The following IKZF1 variants were observed in gnomAD, a reference collection of about 807,000 sequenced individuals.
IKZF1 encodes the protein IKAROS family zinc finger 1, also known as DNA-binding protein Ikaros.
In IKZF1, 10 loss-of-function variants were observed where a neutral mutation model predicts 51.7. The ratio of observed to expected loss-of-function variants is 0.19; its 90% confidence interval spans 0.12 to 0.33. The LOEUF (loss-of-function observed/expected upper bound fraction) is 0.33. Among genes scored for constraint, IKZF1 ranks in the 10% least tolerant of loss-of-function variants. The pLI, the probability that IKZF1 is intolerant of heterozygous loss-of-function variation, is 1.00. For synonymous variants in IKZF1, 280 were observed against 282.3 expected, an observed-to-expected ratio of 0.99 and a Z score of 0.08; for missense variants, 484 against 707.5, an observed-to-expected ratio of 0.68 and a Z score of 3.58.
chr7:50,321,649 C>T (rs1332787869), intron 2 of IKZF1, among the ~76,000 whole-genome samples: 1 of 152,148 alleles, frequency 6.6e-6, no homozygotes, highest in East Asian at 1.9e-4. Context: ...AGTCTACACT[C>T]TGATATTCTA....
chr7:50,391,177 A>AG (rs1814937919), intron 6 of IKZF1, among the ~76,000 whole-genome samples: 1 of 152,200 alleles, frequency 6.6e-6, no homozygotes, highest in Non-Finnish European at 1.5e-5. Context: ...TACAGCAGTC[A>AG]GGGGTGCTTT....
intron 3 of IKZF1, among the ~76,000 whole-genome samples, chr7:50,356,933 C>G (rs10274403): frequency 0.27 from 40,471 of 151,082 alleles, 6,497 homozygotes; most frequent in African/African-American, 0.44. Context: ...CCCGACTGTC[C>G]GGTCTTCTGG....
At chr7:50,315,454 G>T (rs796632219) in intron 1 of IKZF1, among the ~76,000 whole-genome samples, 1 of 152,182 alleles carries the variant, frequency 6.6e-6, no homozygotes, top group Admixed American at 6.5e-5. Flanking sequence ...CTTCTGTCAC[G>T]TTGGCCCTGC....
intron 3 of IKZF1, among the ~76,000 whole-genome samples, chr7:50,369,889 G>A (rs1358606984): frequency 2.6e-5 from 4 of 152,050 alleles, no homozygotes; most frequent in African/African-American, 9.7e-5. Flanking sequence ...ATACCCTAGT[G>A]GGACGAAAAC....
intron 3 of IKZF1, among the ~76,000 whole-genome samples, chr7:50,355,884 G>A (rs1803220396): frequency 6.6e-6 from 1 of 152,202 alleles, no homozygotes; most frequent in African/African-American, 2.4e-5. Flanking sequence ...CGGCTGTCCT[G>A]CCCCTCCTGC....
intron 3 of IKZF1, chr7:50,369,839 C>A (rs1808135106): frequency 2.8e-6 from 1 of 359,062 alleles, no homozygotes; most frequent in East Asian, 4.0e-5. Flanking sequence ...CATTTAAAGG[C>A]CTTAAATTGC....
At chr7:50,320,040 G>T (rs1170018280) in intron 2 of IKZF1, among the ~76,000 whole-genome samples, 1 of 152,090 alleles carries the variant, frequency 6.6e-6, no homozygotes, top group African/African-American at 2.4e-5. Flanking sequence ...CCAATCACAG[G>T]CTTCCTTCTC....
At chr7:50,382,766 C>T (rs2153478322) in intron 5 of IKZF1, 59 bp downstream of exon 5, 1 of 1,533,526 alleles carries the variant, frequency 6.5e-7, no homozygotes, top group Non-Finnish European at 8.7e-7. Context: ...CTCCACTCTG[C>T]CCGCCTGGGT....
At chr7:50,341,145 CTTT>C (rs1330095012) in intron 3 of IKZF1, among the ~76,000 whole-genome samples, 2 of 133,822 alleles carry the variant, frequency 1.5e-5, no homozygotes, top group Non-Finnish European at 1.6e-5. Context: ...GGTATGGAGT[CTTT>C]TTTTTTTTTT....
chr7:50,356,157 T>C (rs1182062835), intron 3 of IKZF1, among the ~76,000 whole-genome samples: 2 of 152,258 alleles, frequency 1.3e-5, no homozygotes, highest in Non-Finnish European at 2.9e-5. Context: ...TTTCCATTAG[T>C]CCACTTTGCG....
chr7:50,373,845 C>T (rs1370114283), intron 3 of IKZF1, among the ~76,000 whole-genome samples: 3 of 152,146 alleles, frequency 2.0e-5, no homozygotes, highest in Admixed American at 6.5e-5. Context: ...ACCATTGCCT[C>T]GACAGCCAGC....
chr7:50,370,410 T>C (rs1387523711), intron 3 of IKZF1, among the ~76,000 whole-genome samples: 1 of 152,242 alleles, frequency 6.6e-6, no homozygotes, highest in Non-Finnish European at 1.5e-5. Flanking sequence ...GATTCAGGCC[T>C]CTTGGCTCCT....
intron 3 of IKZF1, among the ~76,000 whole-genome samples, chr7:50,371,348 G>A (rs547899635): frequency 6.6e-6 from 1 of 152,274 alleles, no homozygotes; most frequent in East Asian, 1.9e-4. Context: ...CAAAATGAAG[G>A]GCCAACAAAA....
At chr7:50,367,349 T>G (rs149621068) in intron 3 of IKZF1, among the ~76,000 whole-genome samples, 10 of 152,328 alleles carry the variant, frequency 6.6e-5, no homozygotes, top group African/African-American at 2.2e-4. Context: ...TGTGTGCACA[T>G]GTGCAGAATC....
intron 4 of IKZF1, among the ~76,000 whole-genome samples, chr7:50,377,759 G>A (rs571038302): frequency 1.3e-5 from 2 of 152,312 alleles, no homozygotes; most frequent in African/African-American, 2.4e-5. Flanking sequence ...TTTTCTTTGC[G>A]TGGGAAGCTG....
At chr7:50,304,284 C>T (rs1196789168), upstream of IKZF1, 1 of 149,562 alleles carries the variant, frequency 6.7e-6, no homozygotes, top group Admixed American at 6.6e-5. Context: ...GACGCACCCT[C>T]TCCGTGTCCC....
intron 3 of IKZF1, among the ~76,000 whole-genome samples, chr7:50,360,139 C>T (rs1426720386): frequency 2.6e-5 from 4 of 151,924 alleles, no homozygotes; most frequent in South Asian, 2.1e-4. Context: ...GACAGGGACC[C>T]GTTGGGCTTC....
At chr7:50,390,157 C>T (rs778412022) in intron 6 of IKZF1, among the ~76,000 whole-genome samples, 2 of 152,136 alleles carry the variant, frequency 1.3e-5, no homozygotes, top group African/African-American at 4.8e-5. Flanking sequence ...CTGTGACTCG[C>T]GAGCATCAGG....
rs772266840 is a variant in IKZF1 at position 50,391,870 on chromosome 7, G to A, written c.850+7G>A. 2 of 1,609,332 alleles carry A rather than the reference G, an allele frequency of 1.2e-6. No individual in the cohort carries two copies. The highest frequency in any genetic ancestry group is 4.5e-5 in the East Asian group (2 of 44,822). On this transcript the variant is annotated splice_region_variant and intron_variant, in intron 7 of 7. Transcript: ENST00000331340. ...ATGCCTCAGAAATTTCTTGGTAAGA[G>A]TTAAATGTTTGCTGTCTCTTAAAAA...
Sources: allele counts gnomAD v4.1 joint callset (sites outside exome capture counted in the v4.1 genomes callset), GRCh38; gene constraint gnomAD v4.1.1; transcripts MANE v1.5; gene names NCBI Gene and HGNC (gene_info 2026-07-23, HGNC 2026-07-21).